ACYP2: variants seen among roughly 807,000 people sequenced by gnomAD.
ACYP2 encodes the protein acylphosphatase-2.
In ACYP2, 12 loss-of-function variants were observed where a neutral mutation model predicts 11.2. The observed-to-expected ratio is 1.08, with a 90% confidence interval of 0.69 to 1.74. ACYP2 has a LOEUF of 1.74. Among genes scored for constraint, ACYP2 ranks in the 40% most tolerant of loss-of-function variants. The pLI is 0.00. For missense variants in ACYP2, 134 were observed against 101.9 expected (o/e 1.31, Z -1.35); for synonymous variants, 43 against 32.2 (o/e 1.33, Z -1.13).
chr2:54,228,276 T>G (rs1242204985), intron 6 of ACYP2, among the ~76,000 whole-genome samples: 1 of 152,236 alleles, frequency 6.6e-6, no homozygotes, highest in East Asian at 1.9e-4. Flanking sequence ...AAGATAGTAG[T>G]GCAGTCTGTA....
At chr2:53,984,897 C>T (rs1030960556) in intron 2 of ACYP2, among the ~76,000 whole-genome samples, 3 of 151,778 alleles carry the variant, frequency 2.0e-5, no homozygotes, top group Non-Finnish European at 4.4e-5. Context: ...CTTCTTAAAA[C>T]CTGTTAAAAT....
intron 4 of ACYP2, among the ~76,000 whole-genome samples, chr2:54,073,256 G>A (rs1677158402): frequency 6.6e-6 from 1 of 152,114 alleles, no homozygotes; most frequent in Admixed American, 6.5e-5. Context: ...GCCAGGTGTG[G>A]TAGTGCATGC....
intron 2 of ACYP2, among the ~76,000 whole-genome samples, chr2:53,985,108 T>C (rs987883556): frequency 1.3e-5 from 2 of 151,370 alleles, no homozygotes; most frequent in East Asian, 3.9e-4. Context: ...CTCGCTCTGT[T>C]GCCCAGGCTG....
intron 6 of ACYP2, chr2:54,254,718 T>A: frequency 1.7e-6 from 1 of 575,794 alleles, no homozygotes; most frequent in Non-Finnish European, 3.1e-6. Flanking sequence ...TAATGCAGAA[T>A]AGCAAGACGA....
chr2:54,263,783 A>G (rs569030380), intron 6 of ACYP2, among the ~76,000 whole-genome samples: 213 of 152,348 alleles, frequency 1.4e-3, no homozygotes, highest in African/African-American at 4.9e-3. Flanking sequence ...TAATCATAGT[A>G]AAATAAATAT....
At chr2:54,290,442 C>G (rs1215278503) in intron 6 of ACYP2, among the ~76,000 whole-genome samples, 1 of 151,978 alleles carries the variant, frequency 6.6e-6, no homozygotes, top group African/African-American at 2.4e-5. Flanking sequence ...CGGGAAAATA[C>G]AGAGCTTTTT....
chr2:54,173,317 T>C (rs1017502441), intron 6 of ACYP2, among the ~76,000 whole-genome samples: 1 of 152,268 alleles, frequency 6.6e-6, no homozygotes, highest in Non-Finnish European at 1.5e-5. Context: ...CATTTTTTCA[T>C]GTGTCTGTTG....
Position 54,123,921 on chromosome 2 carries a change from A to T in ACYP2, c.278-11532A>T, listed in dbSNP as rs575416738. 3.9e-5 allele frequency among the ~76,000 whole-genome samples: 6 copies of T among 152,308 alleles called. No individual in the cohort carries two copies. In the South Asian group the frequency reaches 1.2e-3, roughly 32 times the overall value. ...ACTATAAGGAAGTCTGGGAAACATC[A>T]ACTGGCACATTGCTGCCCCAAGTAA... On this transcript the variant is annotated intron_variant, in intron 4 of 6. Coordinates refer to ENST00000607452, the MANE Select transcript of ACYP2 (RefSeq NM_001320586.2).
At position 54,256,284 on chromosome 2, in the gene ACYP2, CCCTCAGTCTCGCGACACTCACT is replaced by C. The variant is rs538178778; in HGVS notation, c.405-48389_405-48368del. 2.8e-3 allele frequency: 2,725 copies of C among 966,156 alleles called. 13 individuals carry two copies. Among genetic ancestry groups the C allele is most frequent in the Middle Eastern group, 0.013 (38 of 2,946 alleles). The allele number at this position is 966,156 out of a possible 1,614,324, so 59.8% of individuals were successfully genotyped here. Reference sequence around the variant, plus strand: ...CACTCTTCAGTCTCGCGACACCCACCCCTCAGTCTCGCGACACTCACTCCTCAGTCTCGCGAGTCTGTGGTGG... The same window carrying C: ...CACTCTTCAGTCTCGCGACACCCACCCCTCAGTCTCGCGAGTCTGTGGTGG... On this transcript the variant is annotated intron_variant, in intron 6 of 6. Transcript: ENST00000607452.
chr2:54,064,858 G>T, intron 4 of ACYP2, among the ~76,000 whole-genome samples: 1 of 152,084 alleles, frequency 6.6e-6, no homozygotes, highest in Non-Finnish European at 1.5e-5. Flanking sequence ...GGCCGAAGCG[G>T]GCGGATCACA....
intron 4 of ACYP2, among the ~76,000 whole-genome samples, chr2:54,066,485 G>A (rs1356576788): frequency 6.6e-6 from 1 of 152,086 alleles, no homozygotes; most frequent in Non-Finnish European, 1.5e-5. Flanking sequence ...AGATATTGCT[G>A]ACCTCATTTT....
In ACYP2 at chr2:54,247,906, G is replaced by C. The variant is rs148733956; in HGVS notation, c.405-56782G>C. 4.8e-3 allele frequency among the ~76,000 whole-genome samples: 735 copies of C among 152,330 alleles called. 12 individuals are homozygous for C. The highest frequency in any genetic ancestry group is 0.017 in the African/African-American group (700 of 41,576). On this transcript the variant is annotated intron_variant, in intron 6 of 6. Coordinates refer to ENST00000607452, the MANE Select transcript of ACYP2 (RefSeq NM_001320586.2). ...CTGAGTCTCACATTCCTCAGCTGCAGAATGGGGACAGAAATACTTTGTACA... is the reference window on the plus strand; with the variant it reads ...CTGAGTCTCACATTCCTCAGCTGCACAATGGGGACAGAAATACTTTGTACA...
intron 2 of ACYP2, among the ~76,000 whole-genome samples, chr2:53,984,385 C>A (rs1420562683): frequency 6.6e-6 from 1 of 151,872 alleles, no homozygotes; most frequent in Non-Finnish European, 1.5e-5. Flanking sequence ...TGAGACTAGC[C>A]TGGCCAGCAT....
chr2:54,218,822 A>G (rs1176144296), intron 6 of ACYP2, among the ~76,000 whole-genome samples: 1 of 152,168 alleles, frequency 6.6e-6, no homozygotes, highest in Non-Finnish European at 1.5e-5. Context: ...CCTTTCTATT[A>G]GGAAAACAGT....
intron 6 of ACYP2, among the ~76,000 whole-genome samples, chr2:54,299,617 A>G (rs1432908802): frequency 1.3e-5 from 2 of 151,980 alleles, no homozygotes; most frequent in East Asian, 1.9e-4. Context: ...AAGAAAAGAA[A>G]AAAAAGAAAA....
intron 4 of ACYP2, among the ~76,000 whole-genome samples, chr2:54,132,972 G>C (rs1174571388): frequency 6.6e-6 from 1 of 152,076 alleles, no homozygotes; most frequent in Non-Finnish European, 1.5e-5. Flanking sequence ...TTGAACTCCT[G>C]ACCTCAGGTG....
chr2:54,051,360 C>A, intron 3 of ACYP2: 1 of 759,716 alleles, frequency 1.3e-6, no homozygotes, highest in South Asian at 1.4e-5. Context: ...GGTGGAAGAC[C>A]ATGTCTGCTA....
In ACYP2 at chr2:54,192,425, T is replaced by C. The variant is rs559525825; in HGVS notation, c.404+53677T>C. Reference sequence around the variant, plus strand: ...CACATATAAAATGTTGTCAACCTTATGGTGCTTTTCAAAATTAAAAATTAC... The same window carrying C: ...CACATATAAAATGTTGTCAACCTTACGGTGCTTTTCAAAATTAAAAATTAC... On this transcript the variant is annotated intron_variant, in intron 6 of 6. Transcript: ENST00000607452. Among the ~76,000 whole-genome samples the C allele has an allele frequency of 2.0e-5, 3 of 152,304 alleles. No individual in the cohort carries two copies. In the Middle Eastern group the frequency reaches 0.01, roughly 518 times the overall value.
intron 4 of ACYP2, among the ~76,000 whole-genome samples, chr2:54,076,609 A>G (rs562669173): frequency 7.9e-5 from 12 of 152,362 alleles, no homozygotes; most frequent in South Asian, 4.1e-4. Flanking sequence ...TATATAGAAT[A>G]TCATTTAGAA....
Sources: gnomAD v4.1 joint callset for allele counts (sites outside exome capture counted in the v4.1 genomes callset) on GRCh38, gnomAD v4.1.1 for gene constraint, MANE v1.5 for transcripts, NCBI Gene and HGNC (gene_info 2026-07-23, HGNC 2026-07-21) for gene names.